PTPRN2: variants seen among roughly 807,000 people sequenced by gnomAD.
PTPRN2 encodes the protein receptor-type tyrosine-protein phosphatase N2.
A neutral mutation model predicts 118.8 loss-of-function variants in PTPRN2; 74 were observed. The ratio of observed to expected loss-of-function variants is 0.62; its 90% CI spans 0.52 to 0.76. PTPRN2 has a LOEUF of 0.76. Ranked by LOEUF, PTPRN2 falls within the 30% of genes least tolerant of loss-of-function variation. PTPRN2 has a pLI of 0.00. For synonymous variants in PTPRN2, 641 were observed against 608.0 expected, an observed-to-expected ratio of 1.05 and a Z score of -0.80; for missense variants, 1,481 against 1,394.4, an observed-to-expected ratio of 1.06 and a Z score of -0.99.
chr7:158,404,002 T>C (rs1345962401), intron 2 of PTPRN2, among the ~76,000 whole-genome samples: 2 of 152,192 alleles, frequency 1.3e-5, no homozygotes, highest in Non-Finnish European at 2.9e-5. Context: ...AGGAAGTCCA[T>C]TAGGACAGAC....
At chr7:158,373,112 C>T (rs559180127) in intron 2 of PTPRN2, among the ~76,000 whole-genome samples, 2 of 152,350 alleles carry the variant, frequency 1.3e-5, no homozygotes, top group Admixed American at 6.5e-5. Flanking sequence ...ACTCCTGTGG[C>T]CACACCCCCA....
At chr7:158,118,941 A>C (rs111787182) in intron 9 of PTPRN2, among the ~76,000 whole-genome samples, 5,019 of 152,200 alleles carry the variant, frequency 0.033, 113 homozygotes, top group Non-Finnish European at 0.052. Flanking sequence ...GGGCTCAAGA[A>C]ATCCACCACT....
intron 3 of PTPRN2, among the ~76,000 whole-genome samples, chr7:158,290,085 G>A (rs1341422907): frequency 2.0e-5 from 3 of 152,198 alleles, no homozygotes; most frequent in Admixed American, 2.0e-4. Context: ...GGGCTAAGGT[G>A]GGCCCAGAGC....
chr7:158,375,728 C>T (rs367572855), intron 2 of PTPRN2, among the ~76,000 whole-genome samples: 4 of 152,044 alleles, frequency 2.6e-5, no homozygotes, highest in African/African-American at 9.7e-5. Context: ...AGTGGAAGAG[C>T]GGAGGAACAG....
chr7:157,657,157 A>C (rs1438910860), intron 13 of PTPRN2, among the ~76,000 whole-genome samples: 1 of 143,660 alleles, frequency 7.0e-6, no homozygotes, highest in Non-Finnish European at 1.5e-5. Context: ...CACACACCAC[A>C]CACATCACAT....
chr7:157,627,937 C>T lies in PTPRN2; in HGVS notation c.2197-6428G>A, dbSNP rs1803684278. Among the ~76,000 whole-genome samples, 1 of 152,218 alleles carries T rather than the reference C, an allele frequency of 6.6e-6. No homozygotes were observed. Among genetic ancestry groups the T allele is most frequent in the East Asian group, 1.9e-4 (1 of 5,202 alleles). ...ACACCATCAGCGCTCACATAATCTA[C>T]TTTGTTAGAGATATGAACTCAATCT... On this transcript the variant is annotated intron_variant, in intron 14 of 22. Transcript: ENST00000389418. The surrounding 1 kb of genome is among the most constrained non-coding windows in gnomAD (Gnocchi z 4.2).
intron 3 of PTPRN2, among the ~76,000 whole-genome samples, chr7:158,258,323 C>G (rs1797164404): frequency 6.6e-6 from 1 of 152,270 alleles, no homozygotes; most frequent in African/African-American, 2.4e-5. Flanking sequence ...CCCTGCGCGA[C>G]TGGCGTGGAA....
intron 12 of PTPRN2, among the ~76,000 whole-genome samples, chr7:157,886,722 A>G (rs745692467): frequency 6.9e-6 from 1 of 144,286 alleles, no homozygotes; most frequent in Non-Finnish European, 1.5e-5. Flanking sequence ...TGAGAAGAGC[A>G]GTAAGCAGCA....
chr7:157,704,814 T>C lies in PTPRN2; in HGVS notation c.1789-21877A>G, dbSNP rs113065371. Among the ~76,000 whole-genome samples, 184 of 152,364 alleles carry C rather than the reference T, an allele frequency of 1.2e-3. 1 individual carries two copies. Among genetic ancestry groups the C allele is most frequent in the African/African-American group, 4.3e-3 (180 of 41,584 alleles). ...AGACTTTTAACTTAGAATTGACATATACTAAATATTTAAAGTAATCTTCAT... is the reference window on the plus strand; with the variant it reads ...AGACTTTTAACTTAGAATTGACATACACTAAATATTTAAAGTAATCTTCAT... On this transcript the variant is annotated intron_variant, in intron 12 of 22. Coordinates refer to ENST00000389418, the MANE Select transcript of PTPRN2 (RefSeq NM_002847.5).
At position 158,289,101 on chromosome 7, in the gene PTPRN2, CTCTTTG is replaced by C. The variant is rs142979847; in HGVS notation, c.277+27712_277+27717del. On this transcript the variant is annotated intron_variant, in intron 3 of 22. Coordinates refer to ENST00000389418, the MANE Select transcript of PTPRN2 (RefSeq NM_002847.5). Reference sequence around the variant, plus strand: ...CTTTTCTCTCACTGCTTTTAAGATCCTCTTTGTCTTTGATTTTTGACAGTTTGATTA... The same window carrying C: ...CTTTTCTCTCACTGCTTTTAAGATCCTCTTTGATTTTTGACAGTTTGATTA... Among the ~76,000 whole-genome samples, 1,367 of 152,162 alleles carry C rather than the reference CTCTTTG, an allele frequency of 9.0e-3. 22 individuals carry two copies. The highest frequency in any genetic ancestry group is 0.031 in the African/African-American group (1,298 of 41,512).
At chr7:157,687,553 T>C in intron 12 of PTPRN2, among the ~76,000 whole-genome samples, 1 of 152,214 alleles carries the variant, frequency 6.6e-6, no homozygotes, top group East Asian at 1.9e-4. Flanking sequence ...AGTCCCAGCC[T>C]CATCCTATCT....
chr7:158,070,407 ACGTGCTCG>A (rs1811159716), intron 11 of PTPRN2, among the ~76,000 whole-genome samples: 1 of 97,792 alleles, frequency 1.0e-5, no homozygotes, highest in Non-Finnish European at 2.0e-5. Flanking sequence ...GTGGTGGTGG[ACGTGCTCG>A]TGGTGGTGGT....
At chr7:158,488,179 C>T (rs1166280478) in intron 2 of PTPRN2, among the ~76,000 whole-genome samples, 1 of 152,144 alleles carries the variant, frequency 6.6e-6, no homozygotes, top group African/African-American at 2.4e-5. Flanking sequence ...GCTGTTGAGT[C>T]CAGGCAGACG....
intron 5 of PTPRN2, among the ~76,000 whole-genome samples, chr7:158,184,277 ATTG>A (rs1482409556): frequency 6.6e-6 from 1 of 152,090 alleles, no homozygotes; most frequent in Non-Finnish European, 1.5e-5. Flanking sequence ...AATTTGTCTT[ATTG>A]TTCTCATCAA....
intron 11 of PTPRN2, among the ~76,000 whole-genome samples, chr7:158,045,761 A>G (rs375338824): frequency 2.0e-3 from 238 of 118,280 alleles, no homozygotes; most frequent in East Asian, 2.5e-3. Context: ...CGATCCTGGC[A>G]TCCTGACACT....
intron 12 of PTPRN2, among the ~76,000 whole-genome samples, chr7:157,853,894 C>T (rs947210662): frequency 4.6e-5 from 7 of 152,132 alleles, no homozygotes; most frequent in African/African-American, 1.2e-4. Context: ...TCCAACAAGA[C>T]GGGGGTCCTT....
intron 2 of PTPRN2, among the ~76,000 whole-genome samples, chr7:158,418,521 ACAG>A (rs879406159): frequency 0.36 from 53,718 of 147,372 alleles, 14,492 homozygotes; most frequent in East Asian, 0.69. Flanking sequence ...GTGTTAAGTC[ACAG>A]TGTACTACAT....
At chr7:158,287,193 T>G (rs1420218267) in intron 3 of PTPRN2, among the ~76,000 whole-genome samples, 1 of 152,178 alleles carries the variant, frequency 6.6e-6, no homozygotes, top group Admixed American at 6.5e-5. Context: ...TGTTTCCTCC[T>G]TCATTTCTCA....
intron 14 of PTPRN2, among the ~76,000 whole-genome samples, chr7:157,624,741 G>A (rs896073956): frequency 7.2e-5 from 11 of 152,214 alleles, no homozygotes; most frequent in South Asian, 2.1e-4. Flanking sequence ...ACTTGGACAA[G>A]TATAGCAACT....
Sources: gnomAD v4.1 joint callset for allele counts (sites outside exome capture counted in the v4.1 genomes callset) on GRCh38, gnomAD v4.1.1 for gene constraint, Gnocchi (gnomAD v3.1) non-coding constraint, MANE v1.5 for transcripts, NCBI Gene and HGNC (gene_info 2026-07-23, HGNC 2026-07-21) for gene names.